ABHD5: variants seen among roughly 807,000 people sequenced by gnomAD.
ABHD5 encodes the protein 1-acylglycerol-3-phosphate O-acyltransferase ABHD5.
A neutral mutation model predicts 44.9 loss-of-function variants in ABHD5; 30 were observed. That is an observed-to-expected ratio of 0.67 (90% CI 0.50 to 0.91). The LOEUF is 0.91. Ranked by LOEUF, ABHD5 falls within the 40% of genes least tolerant of loss-of-function variation. The probability of loss-of-function intolerance (pLI) is 0.00; values close to 1 mark genes in which losing one functional copy is unlikely to be tolerated. For synonymous variants in ABHD5, 167 were observed against 147.0 expected, an observed-to-expected ratio of 1.14 and a Z score of -0.99; for missense variants, 399 against 423.4, an observed-to-expected ratio of 0.94 and a Z score of 0.50.
intron 7 of ABHD5, among the ~76,000 whole-genome samples, chr3:43,728,007 C>T (rs539675186): frequency 6.6e-6 from 1 of 152,334 alleles, no homozygotes; most frequent in East Asian, 1.9e-4. Flanking sequence ...TCTGTCTCAT[C>T]TATGAGACAG....
chr3:43,718,362 C>A (rs1256542009), intron 6 of ABHD5, 81 bp from the exon 7 acceptor site: 2 of 1,127,044 alleles, frequency 1.8e-6, no homozygotes, highest in Non-Finnish European at 2.7e-6. Flanking sequence ...ACTTTTATTA[C>A]TAAGTGTCTT....
chr3:43,716,639 A>T (rs2084766455), intron 5 of ABHD5, among the ~76,000 whole-genome samples: 1 of 152,134 alleles, frequency 6.6e-6, no homozygotes, highest in Non-Finnish European at 1.5e-5. Flanking sequence ...CAAGAGATTG[A>T]GGTTTTGTGA....
At chr3:43,698,612 G>T (rs2084501490) in intron 1 of ABHD5, among the ~76,000 whole-genome samples, 1 of 152,114 alleles carries the variant, frequency 6.6e-6, no homozygotes, top group Non-Finnish European at 1.5e-5. Context: ...CTGCTTCCTT[G>T]TTCTTTGTTG....
intron 3 of ABHD5, among the ~76,000 whole-genome samples, chr3:43,711,152 C>T (rs996732630): frequency 2.0e-5 from 3 of 152,188 alleles, no homozygotes; most frequent in Non-Finnish European, 4.4e-5. Context: ...TTTCAGTCCA[C>T]GTTACGTTAT....
chr3:43,726,998 C>T (rs1375244256), downstream of ABHD5, among the ~76,000 whole-genome samples: 1 of 152,128 alleles, frequency 6.6e-6, no homozygotes, highest in Non-Finnish European at 1.5e-5. Context: ...AATACTTTAT[C>T]CTTAGCTGCA....
intron 4 of ABHD5, among the ~76,000 whole-genome samples, chr3:43,714,292 G>A (rs529079325): frequency 7.2e-5 from 11 of 151,820 alleles, no homozygotes; most frequent in Non-Finnish European, 1.3e-4. Flanking sequence ...ACGCCACCAC[G>A]CCCGGCTAAT....
intron 7 of ABHD5, among the ~76,000 whole-genome samples, chr3:43,729,750 C>T (rs1393904240): frequency 6.6e-6 from 1 of 152,158 alleles, no homozygotes; most frequent in Non-Finnish European, 1.5e-5. Context: ...TTACAAGTTG[C>T]TCTATGATAG....
chr3:43,725,951 C>T (rs758995491), downstream of ABHD5, among the ~76,000 whole-genome samples: 6 of 151,746 alleles, frequency 4.0e-5, no homozygotes, highest in South Asian at 4.2e-4. Flanking sequence ...CTGCAAGCTC[C>T]GCCTCCTGGG....
chr3:43,707,202 T>C (rs1375999336), intron 3 of ABHD5, among the ~76,000 whole-genome samples: 1 of 152,208 alleles, frequency 6.6e-6, no homozygotes, highest in African/African-American at 2.4e-5. Context: ...TGTTATAAAC[T>C]ACGGAAAAGG....
chr3:43,701,991 A>G, intron 2 of ABHD5: 1 of 486,192 alleles, frequency 2.1e-6, no homozygotes, highest in Non-Finnish European at 3.6e-6. Context: ...ATCACAGGTT[A>G]CTTGAGGTTT....
chr3:43,724,505 A>G (rs1165241172), downstream of ABHD5, among the ~76,000 whole-genome samples: 2 of 152,212 alleles, frequency 1.3e-5, no homozygotes, highest in Non-Finnish European at 2.9e-5. Flanking sequence ...ATGCAAAGAC[A>G]TCTACAAGAT....
rs904076264 is a variant in ABHD5 at position 43,720,015 on chromosome 3, A to G, written c.*1483A>G. The G allele has an allele frequency of 5.9e-5, 9 of 152,346 alleles. No individual in the cohort carries two copies. The highest frequency in any genetic ancestry group is 1.3e-4 in the Admixed American group (2 of 15,306). The allele number at this position is 152,346 out of a possible 1,614,324, so 9.4% of individuals were successfully genotyped here. On this transcript the variant is annotated 3_prime_UTR_variant, in exon 7 of 7. Coordinates refer to ENST00000644371, the MANE Select transcript of ABHD5 (RefSeq NM_016006.6). The stretch of plus-strand genomic sequence containing the variant: ...GTTCTATTTTCAACATTTCTCCCCT[A>G]TAAAAGAATAGACAAATTATACTGA...
At position 43,702,227 on chromosome 3, in the gene ABHD5, CATACAAAAAAGA is replaced by C; in HGVS notation, c.148_159del (p.Tyr50_Glu53del). On this transcript the variant is annotated inframe_deletion, in exon 3 of 7. Transcript: ENST00000644371. ...ATGTTTTCATTAGGTGTGCCTTGCA[CATACAAAAAAGA>C]ACCTGTTCGTATATCTAATGGAAAT... 1 of 1,588,180 alleles carries C rather than the reference CATACAAAAAAGA, an allele frequency of 6.3e-7. No homozygotes were observed.
intron 1 of ABHD5, among the ~76,000 whole-genome samples, chr3:43,694,647 G>A (rs1457026996): frequency 6.6e-6 from 1 of 151,818 alleles, no homozygotes; most frequent in African/African-American, 2.4e-5. Context: ...GGAGATACGT[G>A]TTACCAGCAC....
chr3:43,711,859 C>G lies in ABHD5; in HGVS notation c.657C>G (p.Pro219=). The G allele has an allele frequency of 6.2e-7, 1 of 1,614,104 alleles. No individual in the cohort carries two copies. The highest frequency in any genetic ancestry group is 8.5e-7 in the Non-Finnish European group (1 of 1,180,014). ...NPLAGLRIAG[P]FGLSLVQRLR... ...TAGCTGGCCTAAGGATTGCAGGACCCTTTGGTGAGTGCTTATGTTCTAGGA... is the reference window on the plus strand; with the variant it reads ...TAGCTGGCCTAAGGATTGCAGGACCGTTTGGTGAGTGCTTATGTTCTAGGA... The change falls in exon 4 of 7, where the codon CCC becomes CCG. Residue 219 remains proline (P), a synonymous_variant. Transcript: ENST00000644371.
At chr3:43,729,325 C>T (rs758290922) in intron 7 of ABHD5, among the ~76,000 whole-genome samples, 4 of 152,186 alleles carry the variant, frequency 2.6e-5, no homozygotes, top group East Asian at 1.9e-4. Flanking sequence ...CAAAAGGCTC[C>T]GCAAATATCT....
chr3:43,706,448 A>G (rs1288470569), intron 3 of ABHD5, among the ~76,000 whole-genome samples: 1 of 151,512 alleles, frequency 6.6e-6, no homozygotes, highest in East Asian at 1.9e-4. Context: ...TTTTTTCGAT[A>G]ATGGACTTTG....
chr3:43,721,474 C>G lies in ABHD5; in HGVS notation c.*2942C>G, dbSNP rs192781060. ...AGATGGAATGGCTCATGGCTGTAAT[C>G]CCAGCATTTTGGGAGGCTGAGGCAG... On this transcript the variant is annotated 3_prime_UTR_variant, in exon 7 of 7. Coordinates refer to ENST00000644371, the MANE Select transcript of ABHD5 (RefSeq NM_016006.6). 6.6e-6 allele frequency: 1 copy of G among 151,886 alleles called. No homozygotes were observed. Among genetic ancestry groups the G allele is most frequent in the East Asian group, 1.9e-4 (1 of 5,174 alleles). 9.4% of individuals were successfully genotyped at this position (151,886 alleles called of 1,614,324 possible).
intron 5 of ABHD5, among the ~76,000 whole-genome samples, chr3:43,715,635 T>G (rs1303008864): frequency 6.6e-6 from 1 of 152,212 alleles, no homozygotes; most frequent in Non-Finnish European, 1.5e-5. Context: ...ATGTTCACTC[T>G]TCCCTCAAAG....
Sources: gnomAD v4.1 joint callset for allele counts (sites outside exome capture counted in the v4.1 genomes callset) on GRCh38, gnomAD v4.1.1 for gene constraint, MANE v1.5 for transcripts, NCBI Gene and HGNC (gene_info 2026-07-23, HGNC 2026-07-21) for gene names.